WSB1: variants seen among roughly 807,000 people sequenced by gnomAD.
WSB1 encodes WD repeat and SOCS box containing 1, also known as WD repeat and SOCS box-containing protein 1.
A neutral mutation model predicts 50.2 loss-of-function variants in WSB1; 23 were observed. The ratio of observed to expected loss-of-function variants is 0.46; its 90% CI spans 0.33 to 0.65. The LOEUF (loss-of-function observed/expected upper bound fraction) is 0.65, where lower values mean the gene tolerates loss of function less well. WSB1 is among the 30% of genes least tolerant of loss of function. The probability of loss-of-function intolerance (pLI) is 0.02; values close to 1 mark genes in which losing one functional copy is unlikely to be tolerated. For synonymous variants in WSB1, 179 were observed against 172.0 expected (o/e 1.04, Z -0.32); for missense variants, 492 against 522.3 (o/e 0.94, Z 0.56).
At chr17:27,305,329 T>C (rs975531731) in intron 4 of WSB1, among the ~76,000 whole-genome samples, 1 of 152,208 alleles carries the variant, frequency 6.6e-6, no homozygotes, top group Non-Finnish European at 1.5e-5. Context: ...AAACATGACC[T>C]ACATACCAGA....
chr17:27,307,935 C>T (rs2017524652), intron 5 of WSB1: 2 of 1,249,044 alleles, frequency 1.6e-6, no homozygotes, highest in Non-Finnish European at 1.0e-6. Flanking sequence ...GGTCGATGTC[C>T]ACTTTCTGCT....
chr17:27,297,130 G>T (rs548580858), intron 1 of WSB1: 14 of 151,686 alleles, frequency 9.2e-5, no homozygotes, highest in Admixed American at 7.2e-4. Context: ...CTATCTATTT[G>T]AACCAATTTT....
intron 7 of WSB1, among the ~76,000 whole-genome samples, chr17:27,310,771 T>G (rs1332417571): frequency 3.3e-5 from 5 of 152,228 alleles, no homozygotes; most frequent in African/African-American, 1.2e-4. Flanking sequence ...CTCAGATAGA[T>G]TCTGCATGTT....
chr17:27,297,001 A>G (rs1258486460), intron 1 of WSB1, among the ~76,000 whole-genome samples: 1 of 152,236 alleles, frequency 6.6e-6, no homozygotes, highest in Non-Finnish European at 1.5e-5. Context: ...CAAGGCAATT[A>G]TTAGTAAATT....
In WSB1 at chr17:27,304,790, C is replaced by T; in HGVS notation, c.489C>T (p.Leu163=). 1 of 1,613,096 alleles carries T rather than the reference C, an allele frequency of 6.2e-7. No homozygotes were observed. Among genetic ancestry groups the T allele is most frequent in the Non-Finnish European group, 8.5e-7 (1 of 1,179,560 alleles). Residue 163 remains leucine, a synonymous_variant, in exon 4 of 9, where the codon CTC becomes CTT. Transcript: ENST00000262394. The part of the protein sequence containing the change: ...KIWDVYTGKL[L]LNLVDHTEVV... The stretch of plus-strand genomic sequence containing the variant: ...TTCTATCATATTTAGGAAAACTCCT[C>T]CTTAACTTGGTAGATCATACTGAAG...
At chr17:27,305,489 A>C (rs2017411985) in intron 4 of WSB1, among the ~76,000 whole-genome samples, 1 of 152,246 alleles carries the variant, frequency 6.6e-6, no homozygotes, top group Admixed American at 6.5e-5. Context: ...AGTTTTGGAG[A>C]TGCTACCTCA....
At position 27,303,649 on chromosome 17, in the gene WSB1, G is replaced by A; in HGVS notation, c.478+14G>A. 1 of 1,608,164 alleles carries A rather than the reference G, an allele frequency of 6.2e-7. No individual in the cohort carries two copies. The highest frequency in any genetic ancestry group is 8.5e-7 in the Non-Finnish European group (1 of 1,175,896). ...ATGTATATACAGGTATGGATTCATAGTTTTTAAAGCAAATGTATTATTTTA... is the reference window on the plus strand; with the variant it reads ...ATGTATATACAGGTATGGATTCATAATTTTTAAAGCAAATGTATTATTTTA... On this transcript the variant is annotated intron_variant, in intron 3 of 8. Transcript: ENST00000262394.
At position 27,303,568 on chromosome 17, in the gene WSB1, A is replaced by G; in HGVS notation, c.411A>G (p.Gly137=). The G allele has an allele frequency of 1.2e-6, 2 of 1,614,220 alleles. No individual in the cohort carries two copies. The stretch of plus-strand genomic sequence containing the variant: ...TAGAATGGCATCGCTTCAGATTTGG[A>G]CAAGATCAGCTACTTCTTGCTACAG... ...VNIEWHRFRF[G]QDQLLLATGL... Residue 137 remains glycine, a synonymous_variant, in exon 3 of 9, where the codon GGA becomes GGG. Transcript: ENST00000262394.
chr17:27,315,062 A>C lies in WSB1; in HGVS notation c.*2693A>C, dbSNP rs1390358024. On this transcript the variant is annotated 3_prime_UTR_variant, in exon 9 of 9. Transcript: ENST00000262394. ...TAGTGAGTGCCAGTGTGAAAGGAAGATTGCAGCGTATATGTCAAGTAGAAA... is the reference window on the plus strand; with the variant it reads ...TAGTGAGTGCCAGTGTGAAAGGAAGCTTGCAGCGTATATGTCAAGTAGAAA... The C allele has an allele frequency of 1.3e-5, 2 of 151,836 alleles. No individual in the cohort carries two copies. The highest frequency in any genetic ancestry group is 6.6e-5 in the Admixed American group (1 of 15,254). 9.4% of individuals were successfully genotyped at this position (151,836 alleles called of 1,614,324 possible). A position where few individuals can be genotyped will look rare whatever the true frequency, so the allele number is the denominator to read the frequency against.
chr17:27,305,873 C>T (rs191949785), intron 4 of WSB1, among the ~76,000 whole-genome samples: 1 of 152,272 alleles, frequency 6.6e-6, no homozygotes, highest in Non-Finnish European at 1.5e-5. Flanking sequence ...CTAATTTCAG[C>T]AATGTACATG....
Position 27,294,322 on chromosome 17 carries a change from C to T in WSB1, c.-74C>T. 1.9e-6 allele frequency: 3 copies of T among 1,583,080 alleles called. No individual in the cohort carries two copies. Among genetic ancestry groups the T allele is most frequent in the Admixed American group, 3.4e-5 (2 of 58,380 alleles). Reference sequence around the variant, plus strand: ...GGGAGGGACCAACTTGGCGTCACGCCCCTCAGCGGTCGCCACTCTCTTCTC... The same window carrying T: ...GGGAGGGACCAACTTGGCGTCACGCTCCTCAGCGGTCGCCACTCTCTTCTC... On this transcript the variant is annotated 5_prime_UTR_variant, in exon 1 of 9. Transcript: ENST00000262394.
At chr17:27,307,934 C>T (rs772097884) in intron 5 of WSB1, 1 of 1,248,710 alleles carries the variant, frequency 8.0e-7, no homozygotes, top group Non-Finnish European at 1.0e-6. Flanking sequence ...TGGTCGATGT[C>T]CACTTTCTGC....
chr17:27,295,976 T>C (rs1198967628), intron 1 of WSB1, among the ~76,000 whole-genome samples: 2 of 152,102 alleles, frequency 1.3e-5, no homozygotes, highest in Admixed American at 6.6e-5. Flanking sequence ...TAGGTGGGAT[T>C]ACAGGCATGC....
At chr17:27,298,917 T>TG (rs2017105574) in intron 1 of WSB1, among the ~76,000 whole-genome samples, 1 of 151,986 alleles carries the variant, frequency 6.6e-6, no homozygotes, top group Non-Finnish European at 1.5e-5. Context: ...TAGCCAAGTG[T>TG]GGGGGCATGT....
intron 1 of WSB1, among the ~76,000 whole-genome samples, chr17:27,295,383 A>C (rs999806937): frequency 6.6e-6 from 1 of 152,218 alleles, no homozygotes; most frequent in African/African-American, 2.4e-5. Context: ...TTTCTAGAGA[A>C]GGGAAGAGGC....
rs1381852064 is a variant in WSB1, at chr17:27,294,462, C to T, written c.40+27C>T. On this transcript the variant is annotated intron_variant, in intron 1 of 8. Coordinates refer to ENST00000262394, the MANE Select transcript of WSB1 (RefSeq NM_015626.10). ...TGAGGATTGGGACCGTGGGTGGGCG[C>T]ATGAGGGCCGAGGAGAGGCAGGGAC... 3.1e-6 allele frequency: 5 copies of T among 1,611,792 alleles called. No homozygotes were observed. In the South Asian group the frequency reaches 3.3e-5, roughly 11 times the overall value.
intron 4 of WSB1, among the ~76,000 whole-genome samples, chr17:27,305,343 TATAAC>T (rs2017404064): frequency 6.6e-6 from 1 of 152,226 alleles, no homozygotes; most frequent in South Asian, 2.1e-4. Context: ...TACCAGAACT[TATAAC>T]ATGTGAATAT....
At chr17:27,297,806 T>C (rs1200039362) in intron 1 of WSB1, among the ~76,000 whole-genome samples, 1 of 151,684 alleles carries the variant, frequency 6.6e-6, no homozygotes, top group African/African-American at 2.4e-5. Context: ...AAATATAGAG[T>C]AACCTTAAAA....
In WSB1 at chr17:27,314,653, CTTTT is replaced by C. The variant is rs1383551086; in HGVS notation, c.*2288_*2291del. On this transcript the variant is annotated 3_prime_UTR_variant, in exon 9 of 9. Transcript: ENST00000262394. ...AACATATCCAGTCAAGTAAAAACAG[CTTTT>C]TTTATTTTTTATTTTTTATTTTTTT... is the stretch of plus-strand genomic sequence containing the variant. The C allele has an allele frequency of 6.6e-6, 1 of 151,918 alleles. No individual in the cohort carries two copies. Among genetic ancestry groups the C allele is most frequent in the Non-Finnish European group, 1.5e-5 (1 of 67,988 alleles). The allele number at this position is 151,918 out of a possible 1,614,324, so 9.4% of individuals were successfully genotyped here.
Sources: allele counts gnomAD v4.1 joint callset (sites outside exome capture counted in the v4.1 genomes callset), GRCh38; gene constraint gnomAD v4.1.1; transcripts MANE v1.5; gene names NCBI Gene and HGNC (gene_info 2026-07-23, HGNC 2026-07-21).